RSPO2: variants seen among roughly 807,000 people sequenced by gnomAD.
RSPO2 encodes R-spondin-2.
In RSPO2, 14 loss-of-function variants were observed where a neutral mutation model predicts 30.9. The ratio of observed to expected loss-of-function variants is 0.45; its 90% CI spans 0.30 to 0.71. The LOEUF is 0.71. RSPO2 is among the 30% of genes least tolerant of loss of function. The probability of loss-of-function intolerance (pLI) is 0.08; values close to 1 mark genes in which losing one functional copy is unlikely to be tolerated. For synonymous variants in RSPO2, 107 were observed against 96.4 expected, an observed-to-expected ratio of 1.11 and a Z score of -0.64; for missense variants, 264 against 301.9, an observed-to-expected ratio of 0.87 and a Z score of 0.93.
chr8:108,012,160 T>C (rs11784698), intron 2 of RSPO2, among the ~76,000 whole-genome samples: 27,264 of 152,190 alleles, frequency 0.18, 2,963 homozygotes, highest in Middle Eastern at 0.28. Context: ...TCCAAAAACA[T>C]AGTTAGTGGA....
At position 108,025,561 on chromosome 8, in the gene RSPO2, G is replaced by A. The variant is rs75686068; in HGVS notation, c.95-36317C>T. On this transcript the variant is annotated intron_variant, in intron 2 of 5. Transcript: ENST00000276659. Reference sequence around the variant, plus strand: ...TATTCTTTGAGATATATCTCATTCTGTCCCTGTGGCTGGAGTACAGTGGCA... The same window carrying A: ...TATTCTTTGAGATATATCTCATTCTATCCCTGTGGCTGGAGTACAGTGGCA... Among the ~76,000 whole-genome samples, 43 of 152,238 alleles carry A rather than the reference G, an allele frequency of 2.8e-4. No homozygotes were observed. The East Asian group carries it at 8.3e-3, about 29-fold the overall frequency.
At chr8:107,952,401 A>G (rs1471725903) in intron 5 of RSPO2, among the ~76,000 whole-genome samples, 3 of 152,164 alleles carry the variant, frequency 2.0e-5, no homozygotes, top group African/African-American at 7.2e-5. Flanking sequence ...CAAATCATTG[A>G]TTTCTCAGAC....
intron 2 of RSPO2, among the ~76,000 whole-genome samples, chr8:107,994,732 G>A (rs1364476303): frequency 7.2e-5 from 11 of 152,030 alleles, no homozygotes; most frequent in Admixed American, 3.9e-4. Flanking sequence ...GAAAGAATTA[G>A]GAGAGAAGAA....
chr8:107,948,469 C>G (rs557988845), intron 5 of RSPO2, among the ~76,000 whole-genome samples: 2 of 152,184 alleles, frequency 1.3e-5, no homozygotes, highest in African/African-American at 4.8e-5. Flanking sequence ...AGCTTTGACA[C>G]AGATTAAGAT....
At chr8:107,959,219 G>T (rs1813541021) in intron 4 of RSPO2, among the ~76,000 whole-genome samples, 1 of 152,170 alleles carries the variant, frequency 6.6e-6, no homozygotes, top group African/African-American at 2.4e-5. Flanking sequence ...GGTTTCTGGA[G>T]ACCACAGTTC....
At chr8:107,947,811 A>G (rs1478465064) in intron 5 of RSPO2, among the ~76,000 whole-genome samples, 1 of 152,202 alleles carries the variant, frequency 6.6e-6, no homozygotes, top group African/African-American at 2.4e-5. Flanking sequence ...TTCTCCATGG[A>G]CACACTTCAG....
intron 2 of RSPO2, among the ~76,000 whole-genome samples, chr8:108,079,724 C>G (rs971212582): frequency 6.6e-6 from 1 of 151,922 alleles, no homozygotes; most frequent in East Asian, 1.9e-4. Flanking sequence ...AATCAGGTCC[C>G]AGGGGTAAGC....
intron 3 of RSPO2, among the ~76,000 whole-genome samples, chr8:107,965,586 G>A (rs1293854999): frequency 1.3e-5 from 2 of 151,904 alleles, no homozygotes; most frequent in African/African-American, 4.8e-5. Context: ...TTAGAGGCAT[G>A]TCTTGGGTAC....
intron 2 of RSPO2, among the ~76,000 whole-genome samples, chr8:108,028,285 T>G (rs767855561): frequency 6.6e-6 from 1 of 152,214 alleles, no homozygotes; most frequent in Non-Finnish European, 1.5e-5. Flanking sequence ...CAAGTGAAGA[T>G]TGTTCAAGAA....
At chr8:108,077,788 C>T (rs1813059572) in intron 2 of RSPO2, among the ~76,000 whole-genome samples, 1 of 152,112 alleles carries the variant, frequency 6.6e-6, no homozygotes, top group Non-Finnish European at 1.5e-5. Flanking sequence ...TTCACCTGAT[C>T]AGCCCTTGAT....
At chr8:108,017,314 G>A (rs369446353) in intron 2 of RSPO2, among the ~76,000 whole-genome samples, 1 of 152,106 alleles carries the variant, frequency 6.6e-6, no homozygotes, top group Non-Finnish European at 1.5e-5. Flanking sequence ...ACTGCACCTG[G>A]CCAGATATTT....
chr8:107,950,752 TA>T (rs10599629), intron 5 of RSPO2, among the ~76,000 whole-genome samples: 10,599 of 142,014 alleles, frequency 0.075, 845 homozygotes, highest in African/African-American at 0.2. Flanking sequence ...TAATTAATGG[TA>T]AAAAAAAAAA....
chr8:108,026,149 C>A (rs910819686), intron 2 of RSPO2, among the ~76,000 whole-genome samples: 3 of 152,120 alleles, frequency 2.0e-5, no homozygotes, highest in Non-Finnish European at 2.9e-5. Context: ...CACAGAACTT[C>A]AATCAAATCA....
At chr8:108,060,714 C>T (rs1320250699) in intron 2 of RSPO2, among the ~76,000 whole-genome samples, 1 of 151,634 alleles carries the variant, frequency 6.6e-6, no homozygotes, top group Non-Finnish European at 1.5e-5. Context: ...AGGAGAGCAA[C>T]TCCAAGACAC....
chr8:108,011,684 A>G (rs1017381832), intron 2 of RSPO2, among the ~76,000 whole-genome samples: 1 of 152,236 alleles, frequency 6.6e-6, no homozygotes, highest in African/African-American at 2.4e-5. Flanking sequence ...CTTACCTAAA[A>G]GAACAAAGTA....
chr8:107,904,986 T>C (rs558041216), intron 5 of RSPO2, among the ~76,000 whole-genome samples: 5 of 152,070 alleles, frequency 3.3e-5, no homozygotes, highest in South Asian at 4.1e-4. Flanking sequence ...CTTATGGAAA[T>C]ACTGCTACCA....
chr8:108,024,433 A>G (rs1811142001), intron 2 of RSPO2, among the ~76,000 whole-genome samples: 2 of 151,418 alleles, frequency 1.3e-5, no homozygotes, highest in Non-Finnish European at 2.9e-5. Context: ...TATACTGTTA[A>G]GTAAAAAAAA....
chr8:108,020,410 T>C (rs1811023013), intron 2 of RSPO2, among the ~76,000 whole-genome samples: 1 of 152,196 alleles, frequency 6.6e-6, no homozygotes, highest in Non-Finnish European at 1.5e-5. Flanking sequence ...TAAAATCCTA[T>C]CACTTCGGCT....
chr8:107,918,970 T>C (rs1845581), intron 5 of RSPO2, among the ~76,000 whole-genome samples: 14,407 of 152,152 alleles, frequency 0.095, 789 homozygotes, highest in South Asian at 0.16. Flanking sequence ...AAAACTAATG[T>C]TTTCAAATAT....
Sources: allele counts gnomAD v4.1 joint callset (sites outside exome capture counted in the v4.1 genomes callset), GRCh38; gene constraint gnomAD v4.1.1; transcripts MANE v1.5; gene names NCBI Gene and HGNC (gene_info 2026-07-23, HGNC 2026-07-21).